The following BAZ1A variants were observed in gnomAD, a reference collection of about 807,000 sequenced individuals.
BAZ1A encodes bromodomain adjacent to zinc finger domain 1A, also known as bromodomain adjacent to zinc finger domain protein 1A.
BAZ1A carries 50 observed loss-of-function variants against 185.2 expected under a neutral mutation model. The ratio of observed to expected loss-of-function variants is 0.27; its 90% CI spans 0.22 to 0.34. The LOEUF is 0.34. Among genes scored for constraint, BAZ1A ranks in the 10% least tolerant of loss-of-function variants. The pLI is 1.00. For synonymous variants in BAZ1A, 571 were observed against 615.6 expected (o/e 0.93, Z 1.07); for missense variants, 1,356 against 1,839.9 (o/e 0.74, Z 4.81).
chr14:34,799,673 G>A (rs767118838), intron 9 of BAZ1A, among the ~76,000 whole-genome samples: 9 of 151,684 alleles, frequency 5.9e-5, no homozygotes, highest in East Asian at 5.8e-4. Flanking sequence ...GTGCAGTGGC[G>A]TGATCTTGGC....
chr14:34,774,210 A>G (rs1879436124), intron 19 of BAZ1A, 117 bp downstream of exon 19: 1 of 748,614 alleles, frequency 1.3e-6, no homozygotes, highest in South Asian at 2.9e-5. Context: ...AAAATTTATC[A>G]TTCTCTGGTG....
intron 2 of BAZ1A, 65 bp from the exon 3 acceptor site, chr14:34,862,387 A>G (rs2138820481): frequency 6.6e-7 from 1 of 1,522,402 alleles, no homozygotes; most frequent in East Asian, 2.3e-5. Flanking sequence ...TTTACATTAA[A>G]AACTGATAGC....
intron 3 of BAZ1A, among the ~76,000 whole-genome samples, chr14:34,849,165 C>G (rs188989185): frequency 6.6e-6 from 1 of 152,158 alleles, no homozygotes; most frequent in South Asian, 2.1e-4. Context: ...TGGCACATGC[C>G]TATAGTCCCA....
In BAZ1A at chr14:34,874,822, C is replaced by T. The variant is rs1186304072; in HGVS notation, c.-58-160G>A. On this transcript the variant is annotated intron_variant, in intron 1 of 26. Coordinates refer to ENST00000360310, the MANE Select transcript of BAZ1A (RefSeq NM_013448.3). The surrounding 1 kb of genome is among the most constrained non-coding windows in gnomAD (Gnocchi z 4.7). Reference sequence around the variant, plus strand: ...TTCGTTCCTGCCGCTGCCCGGGTGTCGAGCGAGCGGAGCCGCCGCCGCCCC... The same window carrying T: ...TTCGTTCCTGCCGCTGCCCGGGTGTTGAGCGAGCGGAGCCGCCGCCGCCCC... 7 of 460,010 alleles carry T rather than the reference C, an allele frequency of 1.5e-5. No individual in the cohort carries two copies. The highest frequency in any genetic ancestry group is 3.0e-5 in the South Asian group (1 of 33,312). 28.5% of individuals were successfully genotyped at this position (460,010 alleles called of 1,614,324 possible). A position where few individuals can be genotyped will look rare whatever the true frequency, so the allele number is the denominator to read the frequency against.
At chr14:34,801,263 T>C (rs1881532089) in intron 7 of BAZ1A, 70 bp from the exon 8 acceptor site, 2 of 1,020,436 alleles carry the variant, frequency 2.0e-6, no homozygotes, top group Admixed American at 5.2e-5. Flanking sequence ...TTTAAAACTC[T>C]CACCAATTAC....
At chr14:34,814,837 G>C (rs1025052578) in intron 4 of BAZ1A, among the ~76,000 whole-genome samples, 2 of 150,428 alleles carry the variant, frequency 1.3e-5, no homozygotes, top group Non-Finnish European at 3.0e-5. Context: ...GCAATGGTGC[G>C]GTCTCGGCTC....
intron 19 of BAZ1A, 76 bp from the exon 20 acceptor site, chr14:34,773,802 A>G (rs1446916974): frequency 1.5e-6 from 2 of 1,314,492 alleles, no homozygotes; most frequent in East Asian, 2.4e-5. Flanking sequence ...TTCAATATGC[A>G]TATAAAATCA....
rs35955993 is a variant in BAZ1A, at chr14:34,872,913, TAAAAAAAAAAAA to T, written c.113+1567_113+1578del. ...AGCAAGGCCTGTAGCTTTAAAATCC[TAAAAAAAAAAAA>T]AAAAAAAAAAAAAAAACTTGTCCAA... On this transcript the variant is annotated intron_variant, in intron 2 of 26. Transcript: ENST00000360310. 1.0e-3 allele frequency among the ~76,000 whole-genome samples: 78 copies of T among 76,178 alleles called. 3 individuals are homozygous for T. Among genetic ancestry groups the T allele is most frequent in the African/African-American group, 2.1e-3 (30 of 14,412 alleles). The allele number at this position is 76,178 out of a possible 152,430, so 50.0% of individuals were successfully genotyped here. A position where few individuals can be genotyped will look rare whatever the true frequency, so the allele number is the denominator to read the frequency against.
intron 3 of BAZ1A, among the ~76,000 whole-genome samples, chr14:34,841,858 G>C (rs2042420223): frequency 6.6e-6 from 1 of 152,160 alleles, no homozygotes; most frequent in African/African-American, 2.4e-5. Flanking sequence ...TTATCCTGTT[G>C]CATCTAGCAC....
At chr14:34,793,872 G>A (rs1388578635) in intron 11 of BAZ1A, among the ~76,000 whole-genome samples, 1 of 152,166 alleles carries the variant, frequency 6.6e-6, no homozygotes, top group East Asian at 1.9e-4. Flanking sequence ...AACCCCGGAG[G>A]TGGAGGTTGC....
chr14:34,813,878 A>C (rs1362558942), intron 4 of BAZ1A, among the ~76,000 whole-genome samples: 1 of 151,854 alleles, frequency 6.6e-6, no homozygotes. Flanking sequence ...CCTCGTCTCT[A>C]CTGAAAATAC....
chr14:34,870,893 A>G (rs1339142336), intron 2 of BAZ1A, among the ~76,000 whole-genome samples: 2 of 152,236 alleles, frequency 1.3e-5, no homozygotes, highest in African/African-American at 4.8e-5. Flanking sequence ...GCAGATGAAC[A>G]ATGAAAACAG....
intron 12 of BAZ1A, among the ~76,000 whole-genome samples, chr14:34,788,048 T>TCA (rs1679702775): frequency 6.6e-6 from 1 of 151,826 alleles, no homozygotes; most frequent in Non-Finnish European, 1.5e-5. Flanking sequence ...AGATGGAGTC[T>TCA]CACTCTGTCA....
intron 25 of BAZ1A, 29 bp from the exon 26 acceptor site, chr14:34,754,943 A>G (rs780904822): frequency 1.3e-6 from 2 of 1,513,370 alleles, no homozygotes; most frequent in Non-Finnish European, 1.8e-6. Context: ...ATCTCTGTCC[A>G]CACAGAAAAC....
At chr14:34,761,061 C>T (rs988781789) in intron 24 of BAZ1A, among the ~76,000 whole-genome samples, 30 of 151,956 alleles carry the variant, frequency 2.0e-4, no homozygotes, top group African/African-American at 6.8e-4. Flanking sequence ...GGTGGATCAC[C>T]TGAGGTCAGG....
At chr14:34,769,082 A>G (rs1247882790) in intron 21 of BAZ1A, among the ~76,000 whole-genome samples, 1 of 152,102 alleles carries the variant, frequency 6.6e-6, no homozygotes, top group Non-Finnish European at 1.5e-5. Flanking sequence ...GAAAATGCCT[A>G]CTATGATTAA....
chr14:34,819,944 T>C (rs1334912297), intron 4 of BAZ1A, among the ~76,000 whole-genome samples: 1 of 152,072 alleles, frequency 6.6e-6, no homozygotes, highest in African/African-American at 2.4e-5. Flanking sequence ...GTGTTGTCAG[T>C]GTTCTGGATT....
intron 3 of BAZ1A, among the ~76,000 whole-genome samples, chr14:34,827,453 T>C (rs981905460): frequency 1.3e-5 from 2 of 152,164 alleles, no homozygotes; most frequent in South Asian, 2.1e-4. Flanking sequence ...TAGAAAGTCA[T>C]TGCCGGGCGC....
At chr14:34,835,703 T>G (rs1200406) in intron 3 of BAZ1A, among the ~76,000 whole-genome samples, 129,510 of 150,132 alleles carry the variant, frequency 0.86, 56,942 homozygotes, top group Non-Finnish European at 0.96. Flanking sequence ...ACAGAGTTTC[T>G]CTCTTGTTGC....
Sources: allele counts gnomAD v4.1 joint callset (sites outside exome capture counted in the v4.1 genomes callset), GRCh38; gene constraint gnomAD v4.1.1; non-coding constraint Gnocchi (gnomAD v3.1); transcripts MANE v1.5; gene names NCBI Gene and HGNC (gene_info 2026-07-23, HGNC 2026-07-21).